Variants in HAPLN3 observed in about 807,000 individuals in gnomAD.
HAPLN3 encodes extracellular link domain containing, 1.
In HAPLN3, 28 loss-of-function variants were observed where a neutral mutation model predicts 28.1. The ratio of observed to expected loss-of-function variants is 1.00; its 90% CI spans 0.74 to 1.37. The LOEUF (loss-of-function observed/expected upper bound fraction) is 1.37. Among genes scored for constraint, HAPLN3 ranks in the 40% most tolerant of loss-of-function variants. HAPLN3 has a pLI of 0.00. For synonymous variants in HAPLN3, 211 were observed against 213.1 expected, an observed-to-expected ratio of 0.99 and a Z score of 0.09; for missense variants, 513 against 504.6, an observed-to-expected ratio of 1.02 and a Z score of -0.16.
intron 1 of HAPLN3, among the ~76,000 whole-genome samples, chr15:88,892,210 C>G (rs1898030015): frequency 6.6e-6 from 1 of 152,146 alleles, no homozygotes; most frequent in Non-Finnish European, 1.5e-5. Flanking sequence ...GTTATCCCAG[C>G]ACTTTGGAGG....
chr15:88,881,244 T>C lies in HAPLN3; in HGVS notation c.493+113A>G, dbSNP rs1897687020. 2.2e-6 allele frequency: 3 copies of C among 1,371,300 alleles called. No homozygotes were observed. The highest frequency in any genetic ancestry group is 1.4e-5 in the South Asian group (1 of 71,364). 84.9% of individuals were successfully genotyped at this position (1,371,300 alleles called of 1,614,324 possible). ...AACAGTAGCTTCCATGTGGGTTGTT[T>C]TGAGAATTAAGTACTTTTAAATGTC... is the stretch of plus-strand genomic sequence containing the variant. On this transcript the variant is annotated intron_variant, in intron 3 of 4. Transcript: ENST00000359595. This position sits in a 1 kb window ranked among gnomAD's most constrained non-coding sequence, Gnocchi z 6.0.
intron 2 of HAPLN3, among the ~76,000 whole-genome samples, chr15:88,884,885 C>A (rs1280194701): frequency 6.6e-6 from 1 of 152,184 alleles, no homozygotes; most frequent in Non-Finnish European, 1.5e-5. Flanking sequence ...ATGCCAGCAG[C>A]CACCAGAACC....
At chr15:88,893,146 T>A in intron 1 of HAPLN3, 1 of 711,798 alleles carries the variant, frequency 1.4e-6, no homozygotes, top group Non-Finnish European at 2.5e-6. Flanking sequence ...CCGGGTGCAG[T>A]GGCTCACACC....
In HAPLN3 at chr15:88,888,178, G is replaced by A. The variant is rs559413741; in HGVS notation, c.-47-833C>T. Among the ~76,000 whole-genome samples the A allele has an allele frequency of 8.3e-5, 12 of 144,886 alleles. No individual in the cohort carries two copies. The highest frequency in any genetic ancestry group is 2.6e-4 in the African/African-American group (10 of 38,828). ...GTGGAGGTTGCTCACTGCAACCTCC[G>A]CCTCCTGGGTTCAAGAAATTCTCCT... On this transcript the variant is annotated intron_variant, in intron 1 of 4. Transcript: ENST00000359595. The surrounding 1 kb of genome is among the most constrained non-coding windows in gnomAD (Gnocchi z 4.1).
chr15:88,888,985 T>A lies in HAPLN3; in HGVS notation c.-47-1640A>T, dbSNP rs1213439759. Among the ~76,000 whole-genome samples the A allele has an allele frequency of 1.3e-5, 2 of 152,116 alleles. No individual in the cohort carries two copies. The highest frequency in any genetic ancestry group is 2.9e-5 in the Non-Finnish European group (2 of 68,008). ...ACGTATTGGTCCCTGTTGTCCCAGT[T>A]CCCCAGGCCTTCTGGCTTCCAGTGG... is the stretch of plus-strand genomic sequence containing the variant. On this transcript the variant is annotated intron_variant, in intron 1 of 4. Transcript: ENST00000359595. This position sits in a 1 kb window ranked among gnomAD's most constrained non-coding sequence, Gnocchi z 4.1.
rs1294340891 is a variant in HAPLN3 at position 88,880,218 on chromosome 15, G to C, written c.494-949C>G. ...TCCTAGCCCTTGAAGCCCCGGGAAT[G>C]GGGTGAGGGCTCCCTGTTTCTCTAG... is the stretch of plus-strand genomic sequence containing the variant. On this transcript the variant is annotated intron_variant, in intron 3 of 4. Transcript: ENST00000359595. The surrounding 1 kb of genome is among the most constrained non-coding windows in gnomAD (Gnocchi z 6.0). The C allele has an allele frequency of 1.0e-6, 1 of 995,618 alleles. No individual in the cohort carries two copies. Among genetic ancestry groups the C allele is most frequent in the Non-Finnish European group, 1.2e-6 (1 of 836,598 alleles). 61.7% of individuals were successfully genotyped at this position (995,618 alleles called of 1,614,324 possible). A position where few individuals can be genotyped will look rare whatever the true frequency, so the allele number is the denominator to read the frequency against.
chr15:88,894,870 G>C (rs535922418), intron 1 of HAPLN3, among the ~76,000 whole-genome samples: 2 of 152,184 alleles, frequency 1.3e-5, no homozygotes, highest in African/African-American at 4.8e-5. Flanking sequence ...TACCCTTCTG[G>C]CCTCGCTGTC....
rs1897987766 is a variant in HAPLN3, at chr15:88,890,620, G to A, written c.-47-3275C>T. Reference sequence around the variant, plus strand: ...TCCAGCCTCCCTCGCAGCTAGGAGAGCTATGTGACTCAGTTCTCATCAATG... The same window carrying A: ...TCCAGCCTCCCTCGCAGCTAGGAGAACTATGTGACTCAGTTCTCATCAATG... On this transcript the variant is annotated intron_variant, in intron 1 of 4. Transcript: ENST00000359595. Among the ~76,000 whole-genome samples, 3 of 152,282 alleles carry A rather than the reference G, an allele frequency of 2.0e-5. No individual in the cohort carries two copies. In the South Asian group the frequency reaches 6.2e-4, roughly 32 times the overall value.
At position 88,880,028 on chromosome 15, in the gene HAPLN3, A is replaced by G; in HGVS notation, c.494-759T>C. On this transcript the variant is annotated intron_variant, in intron 3 of 4. Coordinates refer to ENST00000359595, the MANE Select transcript of HAPLN3 (RefSeq NM_178232.4). The surrounding 1 kb of genome is among the most constrained non-coding windows in gnomAD (Gnocchi z 6.0). ...ATCTCCTCCGTGTGGCCAAGGACCC[A>G]GGAACAGCCTGAGCCCCAAACCTCC... 1 of 994,116 alleles carries G rather than the reference A, an allele frequency of 1.0e-6. No homozygotes were observed. The highest frequency in any genetic ancestry group is 1.2e-6 in the Non-Finnish European group (1 of 835,310). The allele number at this position is 994,116 out of a possible 1,614,324, so 61.6% of individuals were successfully genotyped here.
chr15:88,892,873 G>T, intron 1 of HAPLN3: 2 of 1,277,042 alleles, frequency 1.6e-6, no homozygotes, highest in Non-Finnish European at 2.1e-6. Flanking sequence ...GGGATGGGTA[G>T]CCTCTGCTCC....
chr15:88,878,106 A>T lies in HAPLN3; in HGVS notation c.947T>A (p.Leu316Gln), dbSNP rs2141653421. ...AGGGTAGCGGACGCTACCATCTGCC[A>T]GCCAGCCAGCGTCGCAGCGGTCCAG... ...HGLDRCDAGW[L>Q]ADGSVRYPVV... Residue 316 changes from leucine (L) to glutamine (Q), a missense_variant, in exon 5 of 5, where the codon CTG (leucine) becomes CAG (glutamine). Leu to Gln is a moderately radical substitution (Grantham distance 113). Coordinates refer to ENST00000359595, the MANE Select transcript of HAPLN3 (RefSeq NM_178232.4). 1.9e-6 allele frequency: 3 copies of T among 1,613,274 alleles called. 1 individual carries two copies. In the Middle Eastern group the frequency reaches 5.0e-4, roughly 266 times the overall value.
At chr15:88,883,737 T>G (rs1485683174) in intron 2 of HAPLN3, among the ~76,000 whole-genome samples, 1 of 152,244 alleles carries the variant, frequency 6.6e-6, no homozygotes, top group Non-Finnish European at 1.5e-5. Flanking sequence ...AAAAATCACA[T>G]GTATGACATG....
At chr15:88,893,957 G>A (rs1004177993) in intron 1 of HAPLN3, among the ~76,000 whole-genome samples, 2 of 150,656 alleles carry the variant, frequency 1.3e-5, no homozygotes, top group South Asian at 2.1e-4. Context: ...GGGGTGGGGG[G>A]GGCGGTCACG....
At chr15:88,893,190 G>A (rs971015677) in intron 1 of HAPLN3, 5 of 681,928 alleles carry the variant, frequency 7.3e-6, no homozygotes, top group African/African-American at 7.0e-5. Context: ...AGCTGAGGGG[G>A]TGGATCACCT....
In HAPLN3 at chr15:88,881,623, G is replaced by A. The variant is rs745530592; in HGVS notation, c.227C>T (p.Pro76Leu). 1.1e-4 allele frequency: 185 copies of A among 1,613,902 alleles called. No homozygotes were observed. The highest frequency in any genetic ancestry group is 1.6e-4 in the Middle Eastern group (1 of 6,074). ...CACACGCCGCGGGGAGACCAGGGCC[G>A]GCTCGTAGCGGTAGCGGCAGGGCAG... ...VILPCRYRYE[P>L]ALVSPRRVRV... The change falls in exon 3 of 5, where the codon CCG becomes CTG. Residue 76 changes from proline to leucine, a missense_variant. By Grantham distance (98) the Pro-to-Leu change is moderately conservative. Transcript: ENST00000359595. This position sits in a 1 kb window ranked among gnomAD's most constrained non-coding sequence, Gnocchi z 6.0.
intron 1 of HAPLN3, among the ~76,000 whole-genome samples, chr15:88,890,586 G>A (rs1225628043): frequency 6.6e-6 from 1 of 152,182 alleles, no homozygotes; most frequent in African/African-American, 2.4e-5. Context: ...TTCAGCTGAA[G>A]ACTGCATTTC....
rs892797350 is a variant in HAPLN3 at position 88,879,642 on chromosome 15, C to T, written c.494-373G>A. ...CAGGTTTGACTCCCAGCTCCCCACTCGTTAGCTGGGACCCGATCGTCTACG... is the reference window on the plus strand; with the variant it reads ...CAGGTTTGACTCCCAGCTCCCCACTTGTTAGCTGGGACCCGATCGTCTACG... On this transcript the variant is annotated intron_variant, in intron 3 of 4. Coordinates refer to ENST00000359595, the MANE Select transcript of HAPLN3 (RefSeq NM_178232.4). The surrounding 1 kb of genome is among the most constrained non-coding windows in gnomAD (Gnocchi z 5.0). The T allele has an allele frequency of 4.4e-5, 54 of 1,237,086 alleles. No individual in the cohort carries two copies. Among genetic ancestry groups the T allele is most frequent in the East Asian group, 3.5e-4 (7 of 20,116 alleles). The allele number at this position is 1,237,086 out of a possible 1,614,324, so 76.6% of individuals were successfully genotyped here.
intron 2 of HAPLN3, among the ~76,000 whole-genome samples, chr15:88,882,186 G>A (rs929892084): frequency 6.6e-6 from 1 of 152,174 alleles, no homozygotes; most frequent in African/African-American, 2.4e-5. Flanking sequence ...TGCCCACCAT[G>A]GGCAGGCACA....
At chr15:88,890,386 A>G (rs1021365579) in intron 1 of HAPLN3, among the ~76,000 whole-genome samples, 1 of 152,182 alleles carries the variant, frequency 6.6e-6, no homozygotes, top group East Asian at 1.9e-4. Flanking sequence ...CAATGGGGCA[A>G]CCTGGTACAG....
Sources: gnomAD v4.1 joint callset for allele counts (sites outside exome capture counted in the v4.1 genomes callset) on GRCh38, gnomAD v4.1.1 for gene constraint, Gnocchi (gnomAD v3.1) non-coding constraint, MANE v1.5 for transcripts, NCBI Gene and HGNC (gene_info 2026-07-23, HGNC 2026-07-21) for gene names.